The following DPP6 variants were observed in gnomAD, a reference collection of about 807,000 sequenced individuals.
DPP6 encodes the protein A-type potassium channel modulatory protein DPP6.
Under a neutral mutation model 122.6 loss-of-function variants are expected in DPP6, and 69 were observed. The ratio of observed to expected loss-of-function variants is 0.56; its 90% CI spans 0.46 to 0.69. The LOEUF (loss-of-function observed/expected upper bound fraction) is 0.69. Among genes scored for constraint, DPP6 ranks in the 30% least tolerant of loss-of-function variants. The pLI, the probability that DPP6 is intolerant of heterozygous loss-of-function variation, is 0.00. For missense variants in DPP6, 928 were observed against 1,116.9 expected (o/e 0.83, Z 2.41); for synonymous variants, 418 against 433.1 (o/e 0.97, Z 0.43).
rs1833385307 is a variant in DPP6 at position 154,600,904 on chromosome 7, C to A, written c.627+33988C>A. On this transcript the variant is annotated intron_variant, in intron 5 of 25. Coordinates refer to ENST00000377770, the MANE Select transcript of DPP6 (RefSeq NM_130797.4). ...GTCAGGAGTTTGAGACCAGCCTGAC[C>A]AACATGGAGAAACCCCATCTCTACT... 1.7e-5 allele frequency among the ~76,000 whole-genome samples: 2 copies of A among 118,532 alleles called. 1 individual carries two copies. The highest frequency in any genetic ancestry group is 7.3e-4 in the South Asian group (2 of 2,756). 77.8% of individuals were successfully genotyped at this position (118,532 alleles called of 152,430 possible). A position where few individuals can be genotyped will look rare whatever the true frequency, so the allele number is the denominator to read the frequency against.
rs577452371 is a variant in DPP6 at position 154,712,899 on chromosome 7, G to A, written c.763-14868G>A. 1.1e-4 allele frequency among the ~76,000 whole-genome samples: 16 copies of A among 152,218 alleles called. No individual in the cohort carries two copies. In the South Asian group the frequency reaches 3.3e-3, roughly 32 times the overall value. ...CATGCCCTTCCAAAAGTCCCCCAAA[G>A]TCTTCTTCCAGCATTAACTCAAAAG... is the stretch of plus-strand genomic sequence containing the variant. On this transcript the variant is annotated intron_variant, in intron 7 of 25. Coordinates refer to ENST00000377770, the MANE Select transcript of DPP6 (RefSeq NM_130797.4).
intron 1 of DPP6, among the ~76,000 whole-genome samples, chr7:153,936,982 G>A (rs1324380079): frequency 1.3e-5 from 2 of 152,162 alleles, no homozygotes; most frequent in East Asian, 3.9e-4. Context: ...AAAACTCAAG[G>A]TCAGGACTCA....
intron 7 of DPP6, among the ~76,000 whole-genome samples, chr7:154,705,810 T>C (rs572450087): frequency 6.6e-6 from 1 of 152,362 alleles, no homozygotes; most frequent in East Asian, 1.9e-4. Flanking sequence ...TCTTAAGTCA[T>C]TAATCCAGTG....
the DPP6 span, among the ~76,000 whole-genome samples, chr7:153,834,266 G>A: frequency 0.31 from 47,105 of 150,060 alleles, 8,218 homozygotes; most frequent in African/African-American, 0.48. Context: ...CAGCCTGGGT[G>A]ACTCCATCTA....
chr7:154,132,321 C>T (rs1288761899), intron 1 of DPP6, among the ~76,000 whole-genome samples: 78 of 152,232 alleles, frequency 5.1e-4, no homozygotes, highest in Admixed American at 6.5e-5. Flanking sequence ...TAAAAGGAAA[C>T]GAGTAACTGA....
At chr7:153,922,181 G>A (rs1467618164) in intron 1 of DPP6, among the ~76,000 whole-genome samples, 1 of 151,220 alleles carries the variant, frequency 6.6e-6, no homozygotes, top group Non-Finnish European at 1.5e-5. Context: ...AAACCCAAGT[G>A]GGTGTACTTT....
the DPP6 span, among the ~76,000 whole-genome samples, chr7:153,816,446 A>G: frequency 6.6e-6 from 1 of 152,176 alleles, no homozygotes; most frequent in Non-Finnish European, 1.5e-5. Flanking sequence ...TAACAGTGAA[A>G]AATTGGAAGT....
chr7:154,308,198 G>T (rs1237379928), intron 1 of DPP6, among the ~76,000 whole-genome samples: 2 of 151,956 alleles, frequency 1.3e-5, no homozygotes, highest in African/African-American at 2.4e-5. Flanking sequence ...GCATATGGGT[G>T]GTGGGTGGAA....
rs1563166448 is a variant in DPP6, at chr7:154,749,173, CAGGA to C, written c.884-20243_884-20240del. On this transcript the variant is annotated intron_variant, in intron 8 of 25. Coordinates refer to ENST00000377770, the MANE Select transcript of DPP6 (RefSeq NM_130797.4). The stretch of plus-strand genomic sequence containing the variant: ...TGAGAGAGGGTGAGGGAGCATAGGA[CAGGA>C]GGGAGAGGGATGGCGGCTTTACTGA... Among the ~76,000 whole-genome samples the C allele has an allele frequency of 7.4e-4, 95 of 128,250 alleles. 1 individual carries two copies. The highest frequency in any genetic ancestry group is 2.6e-3 in the African/African-American group (84 of 32,916). 84.1% of individuals were successfully genotyped at this position (128,250 alleles called of 152,430 possible).
chr7:154,132,571 T>G (rs1379199307), intron 1 of DPP6, among the ~76,000 whole-genome samples: 2 of 152,174 alleles, frequency 1.3e-5, no homozygotes, highest in Non-Finnish European at 2.9e-5. Flanking sequence ...CACCTCTGCT[T>G]CAGGTCCTCA....
At chr7:154,383,261 T>C (rs1813786540) in intron 1 of DPP6, among the ~76,000 whole-genome samples, 1 of 152,220 alleles carries the variant, frequency 6.6e-6, no homozygotes, top group Non-Finnish European at 1.5e-5. Context: ...GGAATTCCTA[T>C]AGTATTTACA....
Position 154,892,716 on chromosome 7 carries a change from C to T in DPP6, c.*236C>T, listed in dbSNP as rs762939564. 1.1e-6 allele frequency: 1 copy of T among 877,430 alleles called. No individual in the cohort carries two copies. The highest frequency in any genetic ancestry group is 1.9e-6 in the Non-Finnish European group (1 of 539,546). The allele number at this position is 877,430 out of a possible 1,614,324, so 54.4% of individuals were successfully genotyped here. A position where few individuals can be genotyped will look rare whatever the true frequency, so the allele number is the denominator to read the frequency against. ...AACGCTGTCCCCGCAGCAGCGCCTCCTCCCGGCGCCCGAGAGACCGGCACG... is the reference window on the plus strand; with the variant it reads ...AACGCTGTCCCCGCAGCAGCGCCTCTTCCCGGCGCCCGAGAGACCGGCACG... On this transcript the variant is annotated 3_prime_UTR_variant, in exon 26 of 26. Transcript: ENST00000377770.
At chr7:153,993,520 G>A (rs1349424179) in intron 1 of DPP6, among the ~76,000 whole-genome samples, 1 of 152,224 alleles carries the variant, frequency 6.6e-6, no homozygotes, top group East Asian at 1.9e-4. Context: ...GGCAGCAAAT[G>A]ACAACAAACC....
chr7:154,748,129 C>T (rs1352606416), intron 8 of DPP6, among the ~76,000 whole-genome samples: 5 of 152,148 alleles, frequency 3.3e-5, no homozygotes, highest in South Asian at 4.1e-4. Flanking sequence ...AGGCAGAAGG[C>T]GCCCACGTGG....
At chr7:154,401,805 C>T (rs148214954) in intron 1 of DPP6, among the ~76,000 whole-genome samples, 4,994 of 152,228 alleles carry the variant, frequency 0.033, 113 homozygotes, top group Non-Finnish European at 0.05. Context: ...TCGGAGTGAA[C>T]AGGCAGCCTA....
In DPP6 at chr7:154,260,724, A is replaced by G. The variant is rs1161843023; in HGVS notation, c.244-185490A>G. Among the ~76,000 whole-genome samples the G allele has an allele frequency of 2.0e-5, 3 of 147,760 alleles. No homozygotes were observed. In the Admixed American group the frequency reaches 2.0e-4, roughly 10 times the overall value. On this transcript the variant is annotated intron_variant, in intron 1 of 25. Transcript: ENST00000377770. ...ATATTATATATATTATGTATATATA[A>G]AATACATATATATGTATAATATATA... is the stretch of plus-strand genomic sequence containing the variant.
chr7:154,880,356 T>C (rs1477419894), intron 20 of DPP6, among the ~76,000 whole-genome samples: 1 of 152,186 alleles, frequency 6.6e-6, no homozygotes, highest in Non-Finnish European at 1.5e-5. Context: ...ATGGGAAGAA[T>C]CCCTCTGTGG....
intron 1 of DPP6, among the ~76,000 whole-genome samples, chr7:153,944,139 G>A (rs1441025093): frequency 6.6e-6 from 1 of 152,200 alleles, no homozygotes; most frequent in African/African-American, 2.4e-5. Context: ...AAGCCCTGGA[G>A]CACGAGCCTC....
chr7:153,805,530 T>G, the DPP6 span, among the ~76,000 whole-genome samples: 1 of 152,214 alleles, frequency 6.6e-6, no homozygotes, highest in Non-Finnish European at 1.5e-5. Flanking sequence ...TGTGTCTTTA[T>G]AGCAGCATGA....
Sources: gnomAD v4.1 joint callset for allele counts (sites outside exome capture counted in the v4.1 genomes callset) on GRCh38, gnomAD v4.1.1 for gene constraint, MANE v1.5 for transcripts, NCBI Gene and HGNC (gene_info 2026-07-23, HGNC 2026-07-21) for gene names.